AKAP13: variants seen among roughly 807,000 people sequenced by gnomAD.
AKAP13 encodes A-kinase anchor protein 13.
A neutral mutation model predicts 264.5 loss-of-function variants in AKAP13; 80 were observed. The observed-to-expected ratio is 0.30, with a 90% CI of 0.25 to 0.36. AKAP13 has a LOEUF of 0.36. Among genes scored for constraint, AKAP13 ranks in the 10% least tolerant of loss-of-function variants. The pLI is 1.00. For synonymous variants in AKAP13, 1,380 were observed against 1,250.2 expected (o/e 1.10, Z -2.19); for missense variants, 3,712 against 3,435.2 (o/e 1.08, Z -2.01).
intron 3 of AKAP13, among the ~76,000 whole-genome samples, chr15:85,529,346 G>A (rs1052818913): frequency 7.2e-5 from 11 of 152,166 alleles, no homozygotes; most frequent in South Asian, 2.1e-4. Context: ...GTGTGAACCC[G>A]GGACGCAGAG....
Position 85,528,575 on chromosome 15 carries a change from A to G in AKAP13, c.182-5009A>G, listed in dbSNP as rs976239504. On this transcript the variant is annotated intron_variant, in intron 3 of 36. Coordinates refer to ENST00000394518, the MANE Select transcript of AKAP13 (RefSeq NM_007200.5). Reference sequence around the variant, plus strand: ...TGTTCTCATTTTGTGTACAAGGAAAACAGGCTTCAAGGTTGAATGACTTTC... The same window carrying G: ...TGTTCTCATTTTGTGTACAAGGAAAGCAGGCTTCAAGGTTGAATGACTTTC... 4.4e-4 allele frequency among the ~76,000 whole-genome samples: 67 copies of G among 152,206 alleles called. 1 individual carries two copies. The highest frequency in any genetic ancestry group is 2.6e-4 in the Admixed American group (4 of 15,278).
chr15:85,531,773 G>C (rs1243191854), intron 3 of AKAP13, among the ~76,000 whole-genome samples: 1 of 152,222 alleles, frequency 6.6e-6, no homozygotes, highest in Non-Finnish European at 1.5e-5. Context: ...TGGGAGTATC[G>C]TGTGGATTCA....
At chr15:85,712,745 T>C (rs2086699411) in intron 19 of AKAP13, among the ~76,000 whole-genome samples, 1 of 152,192 alleles carries the variant, frequency 6.6e-6, no homozygotes, top group South Asian at 2.1e-4. Flanking sequence ...GGTTTCACCA[T>C]GTTGGCTAGG....
At chr15:85,725,368 GTC>G (rs893638894) in intron 26 of AKAP13, among the ~76,000 whole-genome samples, 2 of 151,276 alleles carry the variant, frequency 1.3e-5, no homozygotes, top group South Asian at 4.2e-4. Flanking sequence ...TAAAATGTGT[GTC>G]TCTGCTTTTT....
chr15:85,592,091 A>G (rs922874318), intron 8 of AKAP13, among the ~76,000 whole-genome samples: 2 of 149,712 alleles, frequency 1.3e-5, no homozygotes, highest in Non-Finnish European at 1.5e-5. Context: ...CCAAACATCA[A>G]ATTAACTGAA....
intron 8 of AKAP13, among the ~76,000 whole-genome samples, chr15:85,625,949 C>T (rs2081390208): frequency 6.6e-6 from 1 of 152,198 alleles, no homozygotes; most frequent in African/African-American, 2.4e-5. Flanking sequence ...TTGTAATCAA[C>T]TTTACATCTC....
intron 2 of AKAP13, among the ~76,000 whole-genome samples, chr15:85,497,718 G>A (rs908742331): frequency 6.6e-6 from 1 of 152,130 alleles, no homozygotes; most frequent in Admixed American, 6.5e-5. Context: ...CATAGCTAGT[G>A]GCTACCATAC....
intron 1 of AKAP13, among the ~76,000 whole-genome samples, chr15:85,468,059 G>T (rs1396537769): frequency 3.3e-5 from 5 of 152,226 alleles, no homozygotes; most frequent in African/African-American, 1.2e-4. Flanking sequence ...TGAGTAGGTG[G>T]TTCTTAAACT....
intron 5 of AKAP13, among the ~76,000 whole-genome samples, chr15:85,550,215 A>G (rs1348688190): frequency 6.6e-6 from 1 of 152,078 alleles, no homozygotes; most frequent in Non-Finnish European, 1.5e-5. Context: ...GCACCTGGCC[A>G]TCTCTGTTTT....
intron 8 of AKAP13, among the ~76,000 whole-genome samples, chr15:85,594,273 G>A (rs1437442359): frequency 1.3e-5 from 2 of 152,156 alleles, no homozygotes; most frequent in African/African-American, 4.8e-5. Context: ...CTCTGTGCTA[G>A]GCCTCAGATA....
chr15:85,543,926 C>T lies in AKAP13; in HGVS notation c.633C>T (p.Gly211=), dbSNP rs766799119. Residue 211 remains glycine (G), a synonymous_variant, in exon 5 of 37, where the codon GGC becomes GGT. Coordinates refer to ENST00000394518, the MANE Select transcript of AKAP13 (RefSeq NM_007200.5). The part of the protein sequence containing the change: ...ATPVSLALER[G]YHKLHQLLTE... Reference sequence around the variant, plus strand: ...CTGTGAGCTTGGCCTTGGAGCGAGGCTATCACAAGCTGCACCAGCTTCTAA... The same window carrying T: ...CTGTGAGCTTGGCCTTGGAGCGAGGTTATCACAAGCTGCACCAGCTTCTAA... 2.5e-6 allele frequency: 4 copies of T among 1,613,298 alleles called. No homozygotes were observed. Among genetic ancestry groups the T allele is most frequent in the East Asian group, 4.5e-5 (2 of 44,860 alleles).
intron 6 of AKAP13, 69 bp downstream of exon 6, chr15:85,575,398 C>A: frequency 7.0e-7 from 1 of 1,428,872 alleles, no homozygotes; most frequent in East Asian, 2.3e-5. Flanking sequence ...TGTGTGTCCC[C>A]GCCCTCCTCC....
At chr15:85,712,686 G>C (rs544062181) in intron 19 of AKAP13, among the ~76,000 whole-genome samples, 1 of 152,226 alleles carries the variant, frequency 6.6e-6, no homozygotes, top group South Asian at 2.1e-4. Flanking sequence ...TGGGATTACA[G>C]GTGTGAGCCA....
chr15:85,444,450 C>T (rs1440649742), intron 1 of AKAP13, among the ~76,000 whole-genome samples: 5 of 152,154 alleles, frequency 3.3e-5, no homozygotes, highest in Admixed American at 3.3e-4. Flanking sequence ...AAAATGTTTT[C>T]ACATCTCTTA....
At chr15:85,434,667 A>AC (rs1239708960) in intron 1 of AKAP13, among the ~76,000 whole-genome samples, 1 of 151,856 alleles carries the variant, frequency 6.6e-6, no homozygotes, top group Non-Finnish European at 1.5e-5. Flanking sequence ...CTGACCCCTG[A>AC]CCCCCGAGCA....
At chr15:85,675,607 A>G (rs1456636414) in intron 14 of AKAP13, among the ~76,000 whole-genome samples, 9 of 152,196 alleles carry the variant, frequency 5.9e-5, no homozygotes, top group Non-Finnish European at 1.3e-4. Context: ...CACCACATTT[A>G]CAGATGAGAG....
intron 1 of AKAP13, among the ~76,000 whole-genome samples, chr15:85,426,528 A>C (rs2072787478): frequency 6.6e-6 from 1 of 152,120 alleles, no homozygotes; most frequent in South Asian, 2.1e-4. Context: ...ACAATTGCGC[A>C]TATTTAAAGT....
At chr15:85,630,268 A>ACACACACAC (rs1392263680) in intron 8 of AKAP13, among the ~76,000 whole-genome samples, 8 of 23,932 alleles carry the variant, frequency 3.3e-4, no homozygotes, top group East Asian at 3.4e-3. Flanking sequence ...CACACACACA[A>ACACACACAC]ACACAATGAA....
chr15:85,688,027 C>A (rs368066921), intron 16 of AKAP13, among the ~76,000 whole-genome samples: 27,703 of 94,316 alleles, frequency 0.29, 3,450 homozygotes, highest in Middle Eastern at 0.48. Context: ...AAGACCCTGT[C>A]TCTTAAAAAA....
Sources: allele counts gnomAD v4.1 joint callset (sites outside exome capture counted in the v4.1 genomes callset), GRCh38; gene constraint gnomAD v4.1.1; transcripts MANE v1.5; gene names NCBI Gene and HGNC (gene_info 2026-07-23, HGNC 2026-07-21).